The following PDE9A variants were observed in gnomAD, a reference collection of about 807,000 sequenced individuals.
PDE9A encodes high affinity cGMP-specific 3',5'-cyclic phosphodiesterase 9A.
In PDE9A, 60 loss-of-function variants were observed where a neutral mutation model predicts 87.4. The observed-to-expected ratio is 0.69, with a 90% CI of 0.56 to 0.85. PDE9A has a LOEUF of 0.85. Ranked by LOEUF, PDE9A falls within the 40% of genes least tolerant of loss-of-function variation. PDE9A has a pLI of 0.00. For missense variants in PDE9A, 665 were observed against 779.0 expected (o/e 0.85, Z 1.74); for synonymous variants, 272 against 279.4 (o/e 0.97, Z 0.27).
intron 14 of PDE9A, 40 bp downstream of exon 14, chr21:42,762,279 A>G (rs1402337309): frequency 1.3e-6 from 2 of 1,596,358 alleles, no homozygotes; most frequent in Non-Finnish European, 1.7e-6. Flanking sequence ...GTGGGGGCAC[A>G]TTCAGGGACA....
intron 19 of PDE9A, among the ~76,000 whole-genome samples, chr21:42,774,285 A>G (rs893402871): frequency 6.6e-6 from 1 of 152,158 alleles, no homozygotes. Flanking sequence ...TTGGCATCCA[A>G]CACACCTGGT....
chr21:42,753,934 C>T, intron 9 of PDE9A, 56 bp from the exon 10 acceptor site: 3 of 858,064 alleles, frequency 3.5e-6, no homozygotes, highest in Non-Finnish European at 3.9e-6. Context: ...TCAGCATGCA[C>T]ATCACTGTCA....
chr21:42,688,534 C>T (rs1265017396), intron 3 of PDE9A, among the ~76,000 whole-genome samples: 1 of 152,152 alleles, frequency 6.6e-6, no homozygotes, highest in Non-Finnish European at 1.5e-5. Flanking sequence ...GGTGTATGGC[C>T]CAGGAAGGAC....
At chr21:42,741,706 C>CGAAACGCCTG (rs1244582346) in intron 7 of PDE9A, 2 of 131,364 alleles carry the variant, frequency 1.5e-5, no homozygotes, top group Non-Finnish European at 3.2e-5. Flanking sequence ...GGAAACGCCT[C>CGAAACGCCTG]GAAACCCACC....
rs1053497420 is a variant in PDE9A, at chr21:42,739,392, C to T, written c.569-4384C>T. Among the ~76,000 whole-genome samples, 3 of 152,102 alleles carry T rather than the reference C, an allele frequency of 2.0e-5. No individual in the cohort carries two copies. The highest frequency in any genetic ancestry group is 1.9e-4 in the East Asian group (1 of 5,184). On this transcript the variant is annotated intron_variant, in intron 7 of 19. Transcript: ENST00000291539. This position sits in a 1 kb window ranked among gnomAD's most constrained non-coding sequence, Gnocchi z 4.1. ...GCTGTGGAATCTTCCCCAAAGCAGC[C>T]GGGTGTCCTGGAAAGGCCAGGGAGT...
At chr21:42,738,406 A>G (rs995244549) in intron 7 of PDE9A, among the ~76,000 whole-genome samples, 6 of 152,218 alleles carry the variant, frequency 3.9e-5, no homozygotes, top group Non-Finnish European at 5.9e-5. Flanking sequence ...TAGCCAAAGG[A>G]CTGGGCCTGC....
At chr21:42,699,513 A>G (rs1048257594) in intron 4 of PDE9A, among the ~76,000 whole-genome samples, 3 of 151,370 alleles carry the variant, frequency 2.0e-5, no homozygotes, top group African/African-American at 4.9e-5. Context: ...GGTGCCTCAT[A>G]CAGTTACTTG....
At chr21:42,656,608 T>G (rs928907696) in intron 1 of PDE9A, among the ~76,000 whole-genome samples, 5 of 152,224 alleles carry the variant, frequency 3.3e-5, no homozygotes, top group Non-Finnish European at 7.3e-5. Context: ...AATGCTTTAT[T>G]TATATGAAGA....
intron 1 of PDE9A, among the ~76,000 whole-genome samples, chr21:42,665,095 C>T (rs143622944): frequency 1.3e-5 from 2 of 152,196 alleles, no homozygotes; most frequent in African/African-American, 4.8e-5. Context: ...GAAATGAGAA[C>T]GGAAGACGTA....
chr21:42,663,071 C>A (rs1359457230), intron 1 of PDE9A, among the ~76,000 whole-genome samples: 3 of 149,758 alleles, frequency 2.0e-5, no homozygotes, highest in Admixed American at 6.6e-5. Context: ...CACTTACACA[C>A]ATGCACATCA....
At chr21:42,754,276 A>T (rs1009986624) in intron 10 of PDE9A, among the ~76,000 whole-genome samples, 1 of 151,850 alleles carries the variant, frequency 6.6e-6, no homozygotes, top group African/African-American at 2.4e-5. Context: ...CAGCAAGGGG[A>T]TTCTGTGAGT....
At chr21:42,725,291 G>A (rs2050921381) in intron 4 of PDE9A, among the ~76,000 whole-genome samples, 1 of 152,012 alleles carries the variant, frequency 6.6e-6, no homozygotes, top group Non-Finnish European at 1.5e-5. Context: ...AGGCTGGAGT[G>A]CAATGGCACA....
chr21:42,769,218 C>T, intron 17 of PDE9A, 63 bp downstream of exon 17: 2 of 1,483,906 alleles, frequency 1.3e-6, no homozygotes, highest in Non-Finnish European at 9.3e-7. Flanking sequence ...CACACACAGG[C>T]ACACACACAT....
Position 42,760,954 on chromosome 21 carries a change from C to A in PDE9A, c.1085+47C>A. The A allele has an allele frequency of 8.1e-7, 1 of 1,234,452 alleles. No homozygotes were observed. The highest frequency in any genetic ancestry group is 1.2e-6 in the Non-Finnish European group (1 of 834,646). The allele number at this position is 1,234,452 out of a possible 1,614,324, so 76.5% of individuals were successfully genotyped here. On this transcript the variant is annotated intron_variant, in intron 13 of 19. Coordinates refer to ENST00000291539, the MANE Select transcript of PDE9A (RefSeq NM_002606.3). This position sits in a 1 kb window ranked among gnomAD's most constrained non-coding sequence, Gnocchi z 5.2. ...TTTTTCCTTTTAAAAGGCACCCTGG[C>A]TACTGGAGGGAACCTGTCAGCCCAA...
chr21:42,687,945 G>C lies in PDE9A; in HGVS notation c.169G>C (p.Asp57His). Residue 57 changes from aspartate (D) to histidine (H), a missense_variant, in exon 3 of 20, where the codon GAC becomes CAC. Asp to His is a moderately conservative substitution (Grantham distance 81). Transcript: ENST00000291539. ...RNTTISLLTT[D>H]DAMVSIDPTM... ...CACGACCATCTCCCTGCTGACCACC[G>C]ACGACGCCATGGTCTCCATCGACCC... The C allele has an allele frequency of 1.9e-6, 3 of 1,613,112 alleles. No individual in the cohort carries two copies. Among genetic ancestry groups the C allele is most frequent in the Non-Finnish European group, 2.5e-6 (3 of 1,179,976 alleles).
chr21:42,768,020 C>T (rs576299974), intron 15 of PDE9A, among the ~76,000 whole-genome samples, 168 bp from the exon 16 acceptor site: 3 of 152,216 alleles, frequency 2.0e-5, no homozygotes, highest in African/African-American at 7.2e-5. Flanking sequence ...AAGGTTCATT[C>T]TCCATTGAGA....
chr21:42,687,079 C>T (rs2059521479), intron 2 of PDE9A, among the ~76,000 whole-genome samples: 1 of 152,162 alleles, frequency 6.6e-6, no homozygotes, highest in Non-Finnish European at 1.5e-5. Context: ...TGTGTTCGAG[C>T]CAGTGAATTT....
chr21:42,671,692 G>C (rs1419492565), intron 1 of PDE9A, among the ~76,000 whole-genome samples: 2 of 152,156 alleles, frequency 1.3e-5, no homozygotes, highest in African/African-American at 4.8e-5. Flanking sequence ...AACTTGCAAT[G>C]TTTCTTCAGT....
At chr21:42,674,131 C>T (rs533205026) in intron 1 of PDE9A, among the ~76,000 whole-genome samples, 3 of 152,238 alleles carry the variant, frequency 2.0e-5, no homozygotes, top group South Asian at 2.1e-4. Flanking sequence ...GAGCAAGTCC[C>T]GGCCGGCCCC....
Sources: allele counts gnomAD v4.1 joint callset (sites outside exome capture counted in the v4.1 genomes callset), GRCh38; gene constraint gnomAD v4.1.1; non-coding constraint Gnocchi (gnomAD v3.1); transcripts MANE v1.5; gene names NCBI Gene and HGNC (gene_info 2026-07-23, HGNC 2026-07-21).